PMFBP1: variants seen among roughly 807,000 people sequenced by gnomAD.
PMFBP1 encodes polyamine-modulated factor 1-binding protein 1.
In PMFBP1, 131 loss-of-function variants were observed where a neutral mutation model predicts 137.8. The ratio of observed to expected loss-of-function variants is 0.95; its 90% CI spans 0.82 to 1.10. The LOEUF (loss-of-function observed/expected upper bound fraction) is 1.10, where lower values mean the gene tolerates loss of function less well. Ranked by LOEUF, PMFBP1 falls within the 50% of genes least tolerant of loss-of-function variation. The pLI, the probability that PMFBP1 is intolerant of heterozygous loss-of-function variation, is 0.00. For synonymous variants in PMFBP1, 490 were observed against 450.4 expected, an observed-to-expected ratio of 1.09 and a Z score of -1.11; for missense variants, 1,199 against 1,175.4, an observed-to-expected ratio of 1.02 and a Z score of -0.29.
the PMFBP1 span, among the ~76,000 whole-genome samples, chr16:72,195,738 AG>A: frequency 6.6e-6 from 1 of 152,218 alleles, no homozygotes; most frequent in Non-Finnish European, 1.5e-5. Flanking sequence ...CTCAGGGAAA[AG>A]CTTGTACTTA....
intron 20 of PMFBP1, 102 bp from the exon 21 acceptor site, chr16:72,119,456 G>A (rs1246744697): frequency 1.2e-6 from 2 of 1,604,670 alleles, no homozygotes; most frequent in South Asian, 1.1e-5. Flanking sequence ...GCTGCAGGGT[G>A]ACTTCTTGCC....
At chr16:72,180,669 TAAA>T (rs112647802), upstream of PMFBP1, among the ~76,000 whole-genome samples, 1 of 142,524 alleles carries the variant, frequency 7.0e-6, no homozygotes, top group African/African-American at 2.6e-5. Flanking sequence ...AGATCAATAG[TAAA>T]AAAAAAAAAA....
intron 14 of PMFBP1, 37 bp from the exon 15 acceptor site, chr16:72,126,169 G>A: frequency 6.2e-7 from 1 of 1,607,626 alleles, no homozygotes. Flanking sequence ...AGGGTGCCAG[G>A]TCAGGGTCAT....
At chr16:72,161,842 A>G (rs2043067175) in intron 3 of PMFBP1, among the ~76,000 whole-genome samples, 1 of 152,152 alleles carries the variant, frequency 6.6e-6, no homozygotes, top group Admixed American at 6.5e-5. Context: ...TTTCATTCCC[A>G]ATGATTCAAA....
upstream of PMFBP1, among the ~76,000 whole-genome samples, chr16:72,175,406 T>A (rs948183240): frequency 2.0e-5 from 3 of 152,172 alleles, no homozygotes; most frequent in Admixed American, 2.0e-4. Context: ...GTACTTCACA[T>A]ACCACCTGCC....
At chr16:72,198,704 GGGTT>G in the PMFBP1 span, among the ~76,000 whole-genome samples, 1 of 151,990 alleles carries the variant, frequency 6.6e-6, no homozygotes, top group African/African-American at 2.4e-5. Context: ...GCTATACCTG[GGGTT>G]GACACAAGTA....
At chr16:72,219,147 A>G in the PMFBP1 span, among the ~76,000 whole-genome samples, 9 of 152,240 alleles carry the variant, frequency 5.9e-5, no homozygotes, top group Admixed American at 5.9e-4. Context: ...AACACTTAAA[A>G]TGACTCTCTC....
At chr16:72,170,258 T>C (rs1340730688) in intron 2 of PMFBP1, among the ~76,000 whole-genome samples, 2 of 151,530 alleles carry the variant, frequency 1.3e-5, no homozygotes, top group African/African-American at 2.4e-5. Flanking sequence ...TATGAAGTTC[T>C]GTATGGCTCC....
chr16:72,218,121 GAATCA>G, the PMFBP1 span, among the ~76,000 whole-genome samples: 1 of 152,054 alleles, frequency 6.6e-6, no homozygotes, highest in Non-Finnish European at 1.5e-5. Context: ...AATCTTATTT[GAATCA>G]ATTAGCACCT....
the PMFBP1 span, among the ~76,000 whole-genome samples, chr16:72,205,491 T>C: frequency 6.6e-6 from 1 of 152,234 alleles, no homozygotes; most frequent in African/African-American, 2.4e-5. Flanking sequence ...ACAACCCCTG[T>C]GAGCATCCTG....
the PMFBP1 span, among the ~76,000 whole-genome samples, chr16:72,234,765 G>C: frequency 6.6e-6 from 1 of 152,102 alleles, no homozygotes; most frequent in Non-Finnish European, 1.5e-5. Context: ...CAACTTTGTT[G>C]TTTTGATTTT....
At chr16:72,166,826 C>G (rs569278261) in intron 2 of PMFBP1, among the ~76,000 whole-genome samples, 1 of 152,344 alleles carries the variant, frequency 6.6e-6, no homozygotes, top group South Asian at 2.1e-4. Flanking sequence ...CAGCTCTCTG[C>G]CCCTGTAGGC....
the PMFBP1 span, among the ~76,000 whole-genome samples, chr16:72,248,271 T>C: frequency 0.16 from 24,319 of 152,234 alleles, 2,873 homozygotes; most frequent in African/African-American, 0.33. Context: ...GGAAGTGTGT[T>C]GGACACTTAA....
At chr16:72,203,504 T>C in the PMFBP1 span, among the ~76,000 whole-genome samples, 1 of 152,224 alleles carries the variant, frequency 6.6e-6, no homozygotes, top group African/African-American at 2.4e-5. Context: ...GTTCTGCCAG[T>C]CAGACGTGCC....
upstream of PMFBP1, among the ~76,000 whole-genome samples, chr16:72,179,380 TCAAACGC>T (rs1256432769): frequency 2.0e-5 from 3 of 152,196 alleles, no homozygotes; most frequent in Non-Finnish European, 4.4e-5. Context: ...ACAATTTCTG[TCAAACGC>T]CAGCTCAGTT....
the PMFBP1 span, among the ~76,000 whole-genome samples, chr16:72,240,490 C>T: frequency 1.3e-5 from 2 of 152,222 alleles, no homozygotes; most frequent in African/African-American, 4.8e-5. Flanking sequence ...GATAGATGTT[C>T]GTTAGCATTT....
chr16:72,213,202 G>A, the PMFBP1 span, among the ~76,000 whole-genome samples: 9 of 149,782 alleles, frequency 6.0e-5, no homozygotes, highest in Admixed American at 1.3e-4. Context: ...GAGCCCGGGG[G>A]GGGGTGGGGA....
In PMFBP1 at chr16:72,139,438, T is replaced by C. The variant is rs1236435028; in HGVS notation, c.808-39A>G. On this transcript the variant is annotated intron_variant, in intron 6 of 20. Coordinates refer to ENST00000237353, the MANE Select transcript of PMFBP1 (RefSeq NM_031293.3). Reference sequence around the variant, plus strand: ...TAGATCAGTTATGCTGGATGATCAATGGAACGTGCTTGTTACCATGACTAT... The same window carrying C: ...TAGATCAGTTATGCTGGATGATCAACGGAACGTGCTTGTTACCATGACTAT... The C allele has an allele frequency of 3.5e-6, 5 of 1,419,476 alleles. No individual in the cohort carries two copies. In the African/African-American group the frequency reaches 5.6e-5, roughly 16 times the overall value. The allele number at this position is 1,419,476 out of a possible 1,614,324, so 87.9% of individuals were successfully genotyped here. A position where few individuals can be genotyped will look rare whatever the true frequency, so the allele number is the denominator to read the frequency against.
chr16:72,164,033 T>TAAC (rs36030275), intron 3 of PMFBP1, among the ~76,000 whole-genome samples: 89 of 148,490 alleles, frequency 6.0e-4, no homozygotes, highest in Non-Finnish European at 7.4e-4. Context: ...CTTACTCATG[T>TAAC]AACAACAACA....
Sources: allele counts gnomAD v4.1 joint callset (sites outside exome capture counted in the v4.1 genomes callset), GRCh38; gene constraint gnomAD v4.1.1; transcripts MANE v1.5; gene names NCBI Gene and HGNC (gene_info 2026-07-23, HGNC 2026-07-21).